ARMH3: variants seen among roughly 807,000 people sequenced by gnomAD.
The protein encoded by ARMH3 is armadillo like helical domain containing 3, also known as armadillo-like helical domain-containing protein 3.
ARMH3 carries 60 observed loss-of-function variants against 99.1 expected under a neutral mutation model. The observed-to-expected ratio is 0.61, with a 90% CI of 0.49 to 0.75. ARMH3 has a LOEUF of 0.75. ARMH3 is among the 30% of genes least tolerant of loss of function. The pLI is 0.00. For missense variants in ARMH3, 679 were observed against 843.1 expected, an observed-to-expected ratio of 0.81 and a Z score of 2.41; for synonymous variants, 285 against 292.8, an observed-to-expected ratio of 0.97 and a Z score of 0.27.
intron 1 of ARMH3, among the ~76,000 whole-genome samples, chr10:102,047,806 A>G (rs1179438230): frequency 3.3e-5 from 5 of 152,020 alleles, no homozygotes; most frequent in Admixed American, 2.6e-4. Flanking sequence ...CATTTTTAAC[A>G]ATCACTCCAG....
chr10:101,928,124 G>A (rs142625209), intron 23 of ARMH3, among the ~76,000 whole-genome samples: 1 of 152,228 alleles, frequency 6.6e-6, no homozygotes, highest in African/African-American at 2.4e-5. Context: ...CAACAAAAAG[G>A]AATGTTTAAT....
At chr10:101,849,929 T>C (rs1589897404) in intron 24 of ARMH3, 37 bp from the exon 25 acceptor site, 2 of 1,583,846 alleles carry the variant, frequency 1.3e-6, no homozygotes, top group East Asian at 2.2e-5. Flanking sequence ...GCTTAGGCCA[T>C]GCAAATCCCA....
intron 20 of ARMH3, among the ~76,000 whole-genome samples, chr10:101,963,679 G>A (rs965292051): frequency 2.0e-5 from 3 of 150,926 alleles, no homozygotes; most frequent in Non-Finnish European, 3.0e-5. Context: ...GGCTCTCCGC[G>A]ACCTCTGTCT....
intron 23 of ARMH3, among the ~76,000 whole-genome samples, chr10:101,914,021 G>A (rs1427863578): frequency 2.6e-5 from 4 of 152,136 alleles, no homozygotes; most frequent in African/African-American, 9.7e-5. Context: ...TACCAATGTA[G>A]GTCAGAAACT....
At chr10:101,972,148 T>C (rs1192651001) in intron 20 of ARMH3, among the ~76,000 whole-genome samples, 1 of 152,194 alleles carries the variant, frequency 6.6e-6, no homozygotes, top group East Asian at 1.9e-4. Flanking sequence ...CCCCAACTAA[T>C]ACAGCTGACT....
intron 13 of ARMH3, 33 bp from the exon 14 acceptor site, chr10:102,006,666 G>T: frequency 6.3e-7 from 1 of 1,589,174 alleles, no homozygotes; most frequent in South Asian, 1.1e-5. Context: ...TAAGAAAACA[G>T]AAAATCCAGT....
Position 101,993,594 on chromosome 10 carries a change from C to G in ARMH3, c.1219G>C (p.Ala407Pro), listed in dbSNP as rs1343873178. 6.3e-7 allele frequency: 1 copy of G among 1,591,686 alleles called. No homozygotes were observed. The highest frequency in any genetic ancestry group is 8.6e-7 in the Non-Finnish European group (1 of 1,166,336). ...ILTCIAEDQY[A>P]NAFLHDDNMN... ...TTGTCATCATGCAAAAATGCATTGG[C>G]ATATTGATCCTAATAAAAATATAGA... Residue 407 changes from alanine (A) to proline (P), a missense_variant, in exon 17 of 26, where the codon GCC (alanine) becomes CCC (proline). By Grantham distance (27) the Ala-to-Pro change is conservative. Transcript: ENST00000370033.
At chr10:101,909,386 G>A (rs182983031) in intron 23 of ARMH3, among the ~76,000 whole-genome samples, 2,238 of 143,210 alleles carry the variant, frequency 0.016, 26 homozygotes, top group Non-Finnish European at 0.024. Context: ...CAGCCTGGGC[G>A]ACAGGAGTGA....
chr10:102,011,786 AAAC>A lies in ARMH3; in HGVS notation c.771-6_771-4del. 6.2e-7 allele frequency: 1 copy of A among 1,603,350 alleles called. No individual in the cohort carries two copies. The highest frequency in any genetic ancestry group is 1.1e-5 in the South Asian group (1 of 89,276). ...CTTCTTCCTTGTCTTTATACTGCCT[AAAC>A]AAAAAGAACTAAATTCAACTTTAGG... On this transcript the variant is annotated splice_region_variant and splice_polypyrimidine_tract_variant and intron_variant, in intron 10 of 25. Coordinates refer to ENST00000370033, the MANE Select transcript of ARMH3 (RefSeq NM_024541.3).
intron 23 of ARMH3, among the ~76,000 whole-genome samples, chr10:101,903,658 A>G (rs1564737105): frequency 1.3e-5 from 2 of 152,250 alleles, no homozygotes; most frequent in African/African-American, 2.4e-5. Context: ...AACTTTTACT[A>G]AATCAAACAA....
Position 101,975,226 on chromosome 10 carries a change from C to T in ARMH3, c.1481G>A (p.Arg494Gln). 3 of 1,611,822 alleles carry T rather than the reference C, an allele frequency of 1.9e-6. No individual in the cohort carries two copies. Among genetic ancestry groups the T allele is most frequent in the Non-Finnish European group, 2.5e-6 (3 of 1,178,626 alleles). The change falls in exon 20 of 26, where the codon CGG becomes CAG. Residue 494 changes from arginine to glutamine, a missense_variant. Transcript: ENST00000370033. Reference protein sequence around the residue: ...KCRVRLHYTWRELWSALINLL... With the variant: ...KCRVRLHYTWQELWSALINLL... ...GAGAAAGTTACCTGACCAGAGCTCC[C>T]GCCAGGTGTAATGCAGGCGTACCCG...
At chr10:101,884,799 A>AC (rs1564719483) in intron 24 of ARMH3, among the ~76,000 whole-genome samples, 1 of 152,008 alleles carries the variant, frequency 6.6e-6, no homozygotes, top group Non-Finnish European at 1.5e-5. Context: ...CAAACAAAAA[A>AC]AAACAGGCAA....
At chr10:101,898,300 G>A (rs1456523467) in intron 23 of ARMH3, among the ~76,000 whole-genome samples, 1 of 151,526 alleles carries the variant, frequency 6.6e-6, no homozygotes, top group African/African-American at 2.4e-5. Flanking sequence ...AGGCTGCAGG[G>A]AACCATGATC....
At chr10:101,895,907 T>C (rs183327624) in intron 23 of ARMH3, among the ~76,000 whole-genome samples, 18 of 152,296 alleles carry the variant, frequency 1.2e-4, no homozygotes, top group African/African-American at 4.1e-4. Context: ...TCATTAGTCA[T>C]TAGGGAAATC....
At chr10:101,939,796 T>A in intron 23 of ARMH3, 67 bp downstream of exon 23, 1 of 1,382,616 alleles carries the variant, frequency 7.2e-7, no homozygotes, top group African/African-American at 1.4e-5. Flanking sequence ...CACACTTTAC[T>A]TAGAAAGGTA....
intron 22 of ARMH3, chr10:101,952,668 CTG>C (rs1392224125): frequency 6.6e-5 from 10 of 152,210 alleles, no homozygotes; most frequent in African/African-American, 2.2e-4. Flanking sequence ...CTTTAACTGA[CTG>C]TGAATAACTA....
intron 22 of ARMH3, among the ~76,000 whole-genome samples, chr10:101,945,999 C>T (rs2135747559): frequency 7.2e-6 from 1 of 138,254 alleles, no homozygotes; most frequent in Middle Eastern, 4.2e-3. Flanking sequence ...AGAAGAATCG[C>T]TTGAACCCAG....
intron 24 of ARMH3, among the ~76,000 whole-genome samples, chr10:101,854,260 G>A (rs1408434035): frequency 2.0e-5 from 3 of 152,114 alleles, no homozygotes; most frequent in African/African-American, 7.2e-5. Flanking sequence ...AATGGAACTT[G>A]AACTCACCTT....
At chr10:102,036,680 C>CA (rs2067283468) in intron 2 of ARMH3, among the ~76,000 whole-genome samples, 1 of 151,898 alleles carries the variant, frequency 6.6e-6, no homozygotes, top group Non-Finnish European at 1.5e-5. Context: ...AGGCAGCAGG[C>CA]TCGTTAAGAG....
Sources: allele counts gnomAD v4.1 joint callset (sites outside exome capture counted in the v4.1 genomes callset), GRCh38; gene constraint gnomAD v4.1.1; transcripts MANE v1.5; gene names NCBI Gene and HGNC (gene_info 2026-07-23, HGNC 2026-07-21).